Variants in WNK1 observed in about 807,000 individuals in gnomAD.
The protein encoded by WNK1 is WNK lysine deficient protein kinase 1, also known as serine/threonine-protein kinase WNK1.
In WNK1, 38 loss-of-function variants were observed where a neutral mutation model predicts 222.8. That is an observed-to-expected ratio of 0.17 (90% confidence interval 0.13 to 0.22). WNK1 has a LOEUF of 0.22. Ranked by LOEUF, WNK1 falls within the 10% of genes least tolerant of loss-of-function variation. The pLI is 1.00. For missense variants in WNK1, 2,348 were observed against 2,918.4 expected (o/e 0.80, Z 4.50); for synonymous variants, 1,090 against 1,092.9 (o/e 1.00, Z 0.05).
Position 881,618 on chromosome 12 carries a change from A to T in WNK1, c.3112-74A>T, listed in dbSNP as rs1320106669. 4 of 1,262,310 alleles carry T rather than the reference A, an allele frequency of 3.2e-6. No homozygotes were observed. In the East Asian group the frequency reaches 9.2e-5, roughly 29 times the overall value. 78.2% of individuals were successfully genotyped at this position (1,262,310 alleles called of 1,614,324 possible). A position where few individuals can be genotyped will look rare whatever the true frequency, so the allele number is the denominator to read the frequency against. ...GTAGTGGGGAGGGATAAGGAAAAAA[A>T]TAAGTAGATTATTGGGGATAGTGAA... On this transcript the variant is annotated intron_variant, in intron 12 of 27. Coordinates refer to ENST00000315939, the MANE Select transcript of WNK1 (RefSeq NM_018979.4).
chr12:850,810 C>G (rs993922630), intron 4 of WNK1, among the ~76,000 whole-genome samples: 3 of 152,156 alleles, frequency 2.0e-5, no homozygotes, highest in Non-Finnish European at 4.4e-5. Context: ...TTCCCAGCAC[C>G]ATTTATTAGA....
At chr12:892,556 T>C (rs1954351011) in intron 22 of WNK1, among the ~76,000 whole-genome samples, 1 of 152,026 alleles carries the variant, frequency 6.6e-6, no homozygotes, top group South Asian at 2.1e-4. Context: ...GTGCCACCGA[T>C]TGCAAATATA....
At chr12:823,121 C>G (rs11064554) in intron 2 of WNK1, among the ~76,000 whole-genome samples, 18,917 of 152,162 alleles carry the variant, frequency 0.12, 1,476 homozygotes, top group Middle Eastern at 0.2. Context: ...GCTTTCTGCC[C>G]TCTATGGTTT....
At chr12:857,432 A>G (rs992879814) in intron 5 of WNK1, among the ~76,000 whole-genome samples, 183 bp downstream of exon 5, 1 of 152,242 alleles carries the variant, frequency 6.6e-6, no homozygotes, top group Middle Eastern at 3.2e-3. Flanking sequence ...ATACTGGAAC[A>G]CTGTAAAAAT....
At chr12:811,860 G>A (rs916109191) in intron 1 of WNK1, among the ~76,000 whole-genome samples, 1 of 152,070 alleles carries the variant, frequency 6.6e-6, no homozygotes, top group Non-Finnish European at 1.5e-5. Context: ...CATTAAGCAG[G>A]GGTTCTCAGA....
intron 2 of WNK1, among the ~76,000 whole-genome samples, chr12:822,259 A>G (rs1389845089): frequency 2.0e-5 from 3 of 151,664 alleles, no homozygotes; most frequent in Non-Finnish European, 4.4e-5. Context: ...ACGCCCAGCT[A>G]ATTTTTGTAT....
At chr12:764,888 G>T (rs1038922848) in intron 1 of WNK1, among the ~76,000 whole-genome samples, 2 of 147,536 alleles carry the variant, frequency 1.4e-5, no homozygotes, top group African/African-American at 2.4e-5. Flanking sequence ...ACCCAGGCTG[G>T]AGTGCAGTGG....
rs1024009612 is a variant in WNK1 at position 867,982 on chromosome 12, G to A, written c.2140-3283G>A. 5 of 1,613,894 alleles carry A rather than the reference G, an allele frequency of 3.1e-6. No homozygotes were observed. The highest frequency in any genetic ancestry group is 2.2e-5 in the East Asian group (1 of 44,878). ...TTTCACCACCTCCCACCTGCCCACCGAAAGTAGCCATTTCCCAGCGGCGTA... is the reference window on the plus strand; with the variant it reads ...TTTCACCACCTCCCACCTGCCCACCAAAAGTAGCCATTTCCCAGCGGCGTA... On this transcript the variant is annotated intron_variant, in intron 8 of 27. Transcript: ENST00000315939.
chr12:814,311 ACT>A (rs1405845251), intron 2 of WNK1, among the ~76,000 whole-genome samples: 9 of 146,678 alleles, frequency 6.1e-5, no homozygotes, highest in Admixed American at 4.8e-4. Flanking sequence ...CCTAGGTGAG[ACT>A]CTGTCTCCAA....
chr12:900,016 C>CTTTTTTTTTT (rs11433731), intron 25 of WNK1, among the ~76,000 whole-genome samples: 1 of 119,640 alleles, frequency 8.4e-6, no homozygotes, highest in Non-Finnish European at 1.7e-5. Context: ...GGATTCTTTT[C>CTTTTTTTTTT]TTTTTTTTTT....
At chr12:774,194 A>C (rs906405903) in intron 1 of WNK1, among the ~76,000 whole-genome samples, 16 of 152,216 alleles carry the variant, frequency 1.1e-4, no homozygotes, top group African/African-American at 3.9e-4. Context: ...AATATTGGGT[A>C]ATAGGATCTT....
At chr12:858,488 C>T (rs1405912873) in intron 5 of WNK1, among the ~76,000 whole-genome samples, 1 of 152,090 alleles carries the variant, frequency 6.6e-6, no homozygotes, top group Admixed American at 6.6e-5. Flanking sequence ...CTGGGCCCAG[C>T]CTGTTTCAAC....
chr12:871,478 T>G (rs1952141891), intron 9 of WNK1, 130 bp downstream of exon 9: 1 of 839,748 alleles, frequency 1.2e-6, no homozygotes, highest in Non-Finnish European at 2.0e-6. Context: ...CCATGTCTTG[T>G]GTTCAGTAAC....
In WNK1 at chr12:885,532, A is replaced by T. The variant is rs1953571966; in HGVS notation, c.4728A>T (p.Ile1576=). ...GLHPLVIPSV[I]ASTPILPQAA... ...ATCCTTTGGTCATTCCATCAGTGAT[A>T]GCTTCTACTCCTATTCTTCCCCAAG... The change falls in exon 19 of 28, where the codon ATA becomes ATT. Residue 1576 remains isoleucine, a synonymous_variant. Transcript: ENST00000315939. The T allele has an allele frequency of 6.2e-7, 1 of 1,614,030 alleles. No individual in the cohort carries two copies. The highest frequency in any genetic ancestry group is 8.5e-7 in the Non-Finnish European group (1 of 1,179,994).
intron 1 of WNK1, among the ~76,000 whole-genome samples, chr12:797,581 T>C (rs1945435487): frequency 6.6e-6 from 1 of 152,164 alleles, no homozygotes; most frequent in Admixed American, 6.5e-5. Flanking sequence ...CTTTTATTTA[T>C]TATTGCATCA....
At position 861,178 on chromosome 12, in the gene WNK1, T is replaced by A; in HGVS notation, c.1786T>A (p.Ser596Thr). 1.9e-6 allele frequency: 3 copies of A among 1,613,620 alleles called. No individual in the cohort carries two copies. The highest frequency in any genetic ancestry group is 2.5e-6 in the Non-Finnish European group (3 of 1,179,888). The change falls in exon 7 of 28, where the codon TCC becomes ACC. Residue 596 changes from serine (S) to threonine (T), a missense_variant. Coordinates refer to ENST00000315939, the MANE Select transcript of WNK1 (RefSeq NM_018979.4). The stretch of plus-strand genomic sequence containing the variant: ...CAGTCTCAAACAGCAGGTAGAACAA[T>A]CCAGTGCTTCCCAGACAGGAATCAA... ...ESSLKQQVEQ[S>T]SASQTGIKQL... is the part of the protein sequence containing the mutation.
chr12:814,208 A>G (rs866235124), intron 2 of WNK1, among the ~76,000 whole-genome samples: 29 of 152,052 alleles, frequency 1.9e-4, no homozygotes, highest in African/African-American at 7.0e-4. Context: ...GTGCACCTGT[A>G]ACCCCAGCTA....
Position 879,856 on chromosome 12 carries a change from C to T in WNK1, c.2657C>T (p.Pro886Leu), listed in dbSNP as rs188150332. 2.5e-5 allele frequency: 41 copies of T among 1,614,128 alleles called. No homozygotes were observed. Among genetic ancestry groups the T allele is most frequent in the East Asian group, 8.9e-5 (4 of 44,876 alleles). Residue 886 changes from proline to leucine, a missense_variant, in exon 11 of 28, where the codon CCG becomes CTG. Transcript: ENST00000315939. ...LASSATTAAI[P>L]GVSTVVPSQL... ...TCATCTGCTACAACAGCTGCGATCC[C>T]GGGGGTATCAACTGTGGTTCCTAGT...
chr12:785,265 C>T (rs924602933), intron 1 of WNK1, among the ~76,000 whole-genome samples: 5 of 152,028 alleles, frequency 3.3e-5, no homozygotes, highest in African/African-American at 1.2e-4. Flanking sequence ...AACTCACTGG[C>T]CATCAATTCT....
Sources: gnomAD v4.1 joint callset for allele counts (sites outside exome capture counted in the v4.1 genomes callset) on GRCh38, gnomAD v4.1.1 for gene constraint, MANE v1.5 for transcripts, NCBI Gene and HGNC (gene_info 2026-07-23, HGNC 2026-07-21) for gene names.